TNFSF4: variants seen among roughly 807,000 people sequenced by gnomAD.
TNFSF4 encodes the protein TNF superfamily member 4, also known as tumor necrosis factor ligand superfamily member 4.
Under a neutral mutation model 7.3 loss-of-function variants are expected in TNFSF4, and 4 were observed. The observed-to-expected ratio is 0.55, with a 90% CI of 0.27 to 1.25. TNFSF4 has a LOEUF of 1.25. Among genes scored for constraint, TNFSF4 ranks in the 50% most tolerant of loss-of-function variants. TNFSF4 has a pLI of 0.12. For missense variants in TNFSF4, 181 were observed against 208.8 expected (o/e 0.87, Z 0.82); for synonymous variants, 76 against 83.7 (o/e 0.91, Z 0.50).
At chr1:173,394,138 C>T in the TNFSF4 span, among the ~76,000 whole-genome samples, 6 of 149,484 alleles carry the variant, frequency 4.0e-5, no homozygotes, top group Non-Finnish European at 5.9e-5. Flanking sequence ...GTCCTATATG[C>T]TCAAGAGACT....
chr1:173,353,055 G>C, the TNFSF4 span, among the ~76,000 whole-genome samples: 1 of 152,112 alleles, frequency 6.6e-6, no homozygotes, highest in South Asian at 2.1e-4. Context: ...CAACATCGCT[G>C]TTATCCTGTT....
the TNFSF4 span, among the ~76,000 whole-genome samples, chr1:173,373,954 T>C: frequency 6.6e-6 from 1 of 152,186 alleles, no homozygotes; most frequent in African/African-American, 2.4e-5. Flanking sequence ...TCCAGGGTGC[T>C]AGGGATACAA....
intron 1 of TNFSF4, among the ~76,000 whole-genome samples, chr1:173,197,324 C>G (rs1372376421): frequency 1.3e-5 from 2 of 152,174 alleles, no homozygotes; most frequent in Non-Finnish European, 2.9e-5. Context: ...ACCCAGCAAC[C>G]CCATTACTGG....
the TNFSF4 span, among the ~76,000 whole-genome samples, chr1:173,398,432 G>GTTTTTT: frequency 1.8e-5 from 1 of 54,750 alleles, no homozygotes. Context: ...TTTTTTTTTT[G>GTTTTTT]TTCTCTTTTT....
the TNFSF4 span, among the ~76,000 whole-genome samples, chr1:173,310,672 T>C: frequency 8.2e-5 from 12 of 145,702 alleles, no homozygotes; most frequent in South Asian, 2.4e-3. Context: ...GTACTTTTTC[T>C]TTTTTTTTTT....
chr1:173,448,202 TAGA>T, the TNFSF4 span, among the ~76,000 whole-genome samples: 1 of 152,174 alleles, frequency 6.6e-6, no homozygotes, highest in African/African-American at 2.4e-5. Flanking sequence ...CAGTAATTGA[TAGA>T]AGTAGACAGA....
At chr1:173,359,483 A>C in the TNFSF4 span, among the ~76,000 whole-genome samples, 1 of 148,498 alleles carries the variant, frequency 6.7e-6, no homozygotes, top group Non-Finnish European at 1.5e-5. Flanking sequence ...AAAAAGAAAA[A>C]TTCAAGGACT....
At chr1:173,315,306 A>G in the TNFSF4 span, among the ~76,000 whole-genome samples, 1 of 152,086 alleles carries the variant, frequency 6.6e-6, no homozygotes, top group Non-Finnish European at 1.5e-5. Flanking sequence ...CTATTTCAAT[A>G]CCTCCCTATT....
At chr1:173,356,777 T>C in the TNFSF4 span, among the ~76,000 whole-genome samples, 5 of 152,218 alleles carry the variant, frequency 3.3e-5, no homozygotes, top group South Asian at 2.1e-4. Context: ...CAATCAATAG[T>C]ATAATTTGTT....
chr1:173,291,774 GA>G, the TNFSF4 span, among the ~76,000 whole-genome samples: 1 of 151,832 alleles, frequency 6.6e-6, no homozygotes, highest in African/African-American at 2.4e-5. Context: ...GAAAAAAAGA[GA>G]AAAGATCCCT....
At chr1:173,384,012 C>G in the TNFSF4 span, among the ~76,000 whole-genome samples, 9 of 152,186 alleles carry the variant, frequency 5.9e-5, no homozygotes, top group African/African-American at 9.7e-5. Flanking sequence ...CTTTACCCCC[C>G]ATTTTCTGGT....
the TNFSF4 span, among the ~76,000 whole-genome samples, chr1:173,350,423 AC>A: frequency 6.6e-6 from 1 of 152,202 alleles, no homozygotes; most frequent in African/African-American, 2.4e-5. Flanking sequence ...CCCTGGCTCT[AC>A]CTGAGGCCTA....
At chr1:173,351,886 T>A in the TNFSF4 span, 1 of 590,804 alleles carries the variant, frequency 1.7e-6, no homozygotes, top group Non-Finnish European at 3.1e-6. Flanking sequence ...AGCAAGGCGG[T>A]TATCACTAGG....
intron 1 of TNFSF4, 65 bp from the exon 2 acceptor site, chr1:173,188,634 A>G (rs1052980568): frequency 5.4e-5 from 73 of 1,359,294 alleles, no homozygotes; most frequent in Non-Finnish European, 6.9e-5. Context: ...CGCAAGTCAT[A>G]TTTAATGGAA....
chr1:173,272,516 GA>G, the TNFSF4 span, among the ~76,000 whole-genome samples: 1 of 151,954 alleles, frequency 6.6e-6, no homozygotes, highest in Non-Finnish European at 1.5e-5. Context: ...GTTTCCCATC[GA>G]AATTCATGAA....
the TNFSF4 span, among the ~76,000 whole-genome samples, chr1:173,318,756 A>G: frequency 6.6e-6 from 1 of 152,194 alleles, no homozygotes; most frequent in African/African-American, 2.4e-5. Context: ...TTTGTAATAG[A>G]GAAGGTGTCC....
the TNFSF4 span, among the ~76,000 whole-genome samples, chr1:173,438,950 C>A: frequency 1.3e-5 from 2 of 152,160 alleles, no homozygotes; most frequent in Non-Finnish European, 2.9e-5. Context: ...AAAGCACAAC[C>A]CTCATCTAAA....
chr1:173,224,735 A>G, the TNFSF4 span, among the ~76,000 whole-genome samples: 1 of 152,204 alleles, frequency 6.6e-6, no homozygotes, highest in South Asian at 2.1e-4. Flanking sequence ...TCCCTAAGCT[A>G]TAGTGAAGAG....
chr1:173,401,502 A>G, the TNFSF4 span, among the ~76,000 whole-genome samples: 1 of 152,172 alleles, frequency 6.6e-6, no homozygotes, highest in Non-Finnish European at 1.5e-5. Context: ...TGTTGAGGAC[A>G]TGAAAAAACC....
Sources: gnomAD v4.1 joint callset for allele counts (sites outside exome capture counted in the v4.1 genomes callset) on GRCh38, gnomAD v4.1.1 for gene constraint, MANE v1.5 for transcripts, NCBI Gene and HGNC (gene_info 2026-07-23, HGNC 2026-07-21) for gene names.